Variants in FHIP1A observed in about 807,000 individuals in gnomAD.
FHIP1A encodes the protein FHF complex subunit HOOK interacting protein 1A, also known as FHF complex subunit HOOK-interacting protein 1A.
A neutral mutation model predicts 88.6 loss-of-function variants in FHIP1A; 61 were observed. The ratio of observed to expected loss-of-function variants is 0.69; its 90% CI spans 0.56 to 0.85. The LOEUF is 0.85. FHIP1A is among the 40% of genes least tolerant of loss of function. The probability of loss-of-function intolerance (pLI) is 0.00; values close to 1 mark genes in which losing one functional copy is unlikely to be tolerated. For synonymous variants in FHIP1A, 478 were observed against 496.0 expected (o/e 0.96, Z 0.48); for missense variants, 1,154 against 1,273.5 (o/e 0.91, Z 1.43).
chr4:151,605,076 T>G (rs1023766365), intron 7 of FHIP1A, among the ~76,000 whole-genome samples: 12 of 152,062 alleles, frequency 7.9e-5, no homozygotes, highest in African/African-American at 2.4e-4. Flanking sequence ...CCGTAGAGAG[T>G]TGGCAGTTGC....
chr4:151,435,562 A>C (rs1475524331), intron 1 of FHIP1A, among the ~76,000 whole-genome samples: 1 of 152,148 alleles, frequency 6.6e-6, no homozygotes, highest in Non-Finnish European at 1.5e-5. Context: ...AGGCGGCTGG[A>C]TCACCTGAGG....
chr4:151,542,236 G>A (rs1485495122), intron 3 of FHIP1A, among the ~76,000 whole-genome samples: 1 of 152,094 alleles, frequency 6.6e-6, no homozygotes, highest in Non-Finnish European at 1.5e-5. Flanking sequence ...GCTGCTCTTG[G>A]TTAGGTTTTT....
intron 3 of FHIP1A, among the ~76,000 whole-genome samples, chr4:151,517,476 AT>A (rs924929508): frequency 1.3e-5 from 2 of 152,154 alleles, no homozygotes; most frequent in African/African-American, 4.8e-5. Context: ...ATTTAAAAAA[AT>A]ATATATTCAT....
chr4:151,668,197 T>C lies in FHIP1A; in HGVS notation c.*5443T>C, dbSNP rs1578884936. 6.6e-6 allele frequency among the ~76,000 whole-genome samples: 1 copy of C among 152,214 alleles called. No individual in the cohort carries two copies. Among genetic ancestry groups the C allele is most frequent in the Admixed American group, 6.5e-5 (1 of 15,278 alleles). On this transcript the variant is annotated 3_prime_UTR_variant, in exon 14 of 14. Coordinates refer to ENST00000435205, the MANE Select transcript of FHIP1A (RefSeq NM_001109977.3). Reference sequence around the variant, plus strand: ...TTGTCTAAAACCTGCTGAAGAGGCATGGCAGCCACTTCCATGCTGCTTTTG... The same window carrying C: ...TTGTCTAAAACCTGCTGAAGAGGCACGGCAGCCACTTCCATGCTGCTTTTG...
At chr4:151,473,366 C>T (rs1453931906) in intron 2 of FHIP1A, among the ~76,000 whole-genome samples, 1 of 151,778 alleles carries the variant, frequency 6.6e-6, no homozygotes, top group Non-Finnish European at 1.5e-5. Flanking sequence ...GTTAATGCTC[C>T]TTCATTTCCC....
At chr4:151,518,253 C>T (rs1443438697) in intron 3 of FHIP1A, among the ~76,000 whole-genome samples, 1 of 152,104 alleles carries the variant, frequency 6.6e-6, no homozygotes, top group Non-Finnish European at 1.5e-5. Flanking sequence ...GTTACAGTTG[C>T]CTGCAATATT....
intron 3 of FHIP1A, among the ~76,000 whole-genome samples, chr4:151,545,369 CT>C (rs569126288): frequency 3.2e-3 from 262 of 81,668 alleles, no homozygotes; most frequent in African/African-American, 8.3e-3. Flanking sequence ...CCTTATCCTT[CT>C]TTTTTTTTTT....
At chr4:151,532,132 C>T (rs528542976) in intron 3 of FHIP1A, among the ~76,000 whole-genome samples, 10 of 152,014 alleles carry the variant, frequency 6.6e-5, no homozygotes, top group South Asian at 4.2e-4. Context: ...TGGTCTATAT[C>T]GTTTTTTTGG....
At chr4:151,510,686 G>A (rs1435068442) in intron 3 of FHIP1A, among the ~76,000 whole-genome samples, 1 of 152,132 alleles carries the variant, frequency 6.6e-6, no homozygotes, top group Non-Finnish European at 1.5e-5. Flanking sequence ...GTGGGTTTTA[G>A]TGACTTAATG....
Position 151,669,158 on chromosome 4 carries a change from C to T in FHIP1A, c.*6404C>T, listed in dbSNP as rs554468502. ...TAAACATATCTTTAGAATATCTCAT[C>T]GGGTTTCAGTCAGAGCCATGCTTTG... On this transcript the variant is annotated 3_prime_UTR_variant, in exon 14 of 14. Transcript: ENST00000435205. 7.9e-5 allele frequency among the ~76,000 whole-genome samples: 12 copies of T among 152,282 alleles called. No homozygotes were observed. In the East Asian group the frequency reaches 2.3e-3, roughly 29 times the overall value.
chr4:151,492,680 G>A (rs1038994463), intron 3 of FHIP1A, among the ~76,000 whole-genome samples: 6 of 151,858 alleles, frequency 4.0e-5, no homozygotes, highest in African/African-American at 1.5e-4. Context: ...ATTCCAACAG[G>A]AACCCTTAAC....
At chr4:151,527,153 C>G (rs1213965445) in intron 3 of FHIP1A, among the ~76,000 whole-genome samples, 1 of 152,140 alleles carries the variant, frequency 6.6e-6, no homozygotes, top group Non-Finnish European at 1.5e-5. Context: ...ATCTCGGCAC[C>G]CTGGGAGGCC....
chr4:151,524,954 G>A (rs1026904840), intron 3 of FHIP1A, among the ~76,000 whole-genome samples: 1 of 152,162 alleles, frequency 6.6e-6, no homozygotes, highest in Non-Finnish European at 1.5e-5. Context: ...CTCAAATGGT[G>A]CGTCAGCTCC....
intron 2 of FHIP1A, among the ~76,000 whole-genome samples, chr4:151,467,778 A>G (rs1469042627): frequency 2.0e-5 from 3 of 152,074 alleles, no homozygotes; most frequent in Non-Finnish European, 2.9e-5. Flanking sequence ...GTGTTGAACA[A>G]TGAGAACACA....
At position 151,665,883 on chromosome 4, in the gene FHIP1A, C is replaced by T. The variant is rs552996838; in HGVS notation, c.*3129C>T. Among the ~76,000 whole-genome samples the T allele has an allele frequency of 6.6e-6, 1 of 152,314 alleles. No homozygotes were observed. Among genetic ancestry groups the T allele is most frequent in the South Asian group, 2.1e-4 (1 of 4,824 alleles). On this transcript the variant is annotated 3_prime_UTR_variant, in exon 14 of 14. Coordinates refer to ENST00000435205, the MANE Select transcript of FHIP1A (RefSeq NM_001109977.3). ...TTCTCTATGTGACAGGCTCCTACAC[C>T]AGTCGCTGTGCTCCTTGCTGGAAGA...
chr4:151,595,366 T>C (rs912038349), intron 7 of FHIP1A, among the ~76,000 whole-genome samples: 2 of 152,238 alleles, frequency 1.3e-5, no homozygotes, highest in African/African-American at 2.4e-5. Flanking sequence ...TGAGTTCTAA[T>C]TTGATTGCAC....
intron 7 of FHIP1A, among the ~76,000 whole-genome samples, chr4:151,622,870 C>G (rs1735799099): frequency 6.6e-6 from 1 of 151,994 alleles, no homozygotes; most frequent in African/African-American, 2.4e-5. Context: ...TTTGGGTATT[C>G]AATAGTTAAA....
intron 10 of FHIP1A, 21 bp from the exon 11 acceptor site, chr4:151,649,438 C>G: frequency 2.1e-5 from 32 of 1,521,670 alleles, no homozygotes; most frequent in Non-Finnish European, 2.7e-5. Flanking sequence ...TTGTTCTAAC[C>G]AGCCTCTGCC....
At position 151,456,992 on chromosome 4, in the gene FHIP1A, T is replaced by A. The variant is rs1227757489; in HGVS notation, c.-248+2184T>A. The stretch of plus-strand genomic sequence containing the variant: ...GAGTATTTGAAAGCTAATGACATTA[T>A]TTTAAAGAGGATCTTTTCAATGGAT... On this transcript the variant is annotated intron_variant, in intron 2 of 13. Coordinates refer to ENST00000435205, the MANE Select transcript of FHIP1A (RefSeq NM_001109977.3). Among the ~76,000 whole-genome samples the A allele has an allele frequency of 2.0e-5, 3 of 152,168 alleles. No homozygotes were observed. In the East Asian group the frequency reaches 5.8e-4, roughly 29 times the overall value.
Sources: gnomAD v4.1 joint callset for allele counts (sites outside exome capture counted in the v4.1 genomes callset) on GRCh38, gnomAD v4.1.1 for gene constraint, MANE v1.5 for transcripts, NCBI Gene and HGNC (gene_info 2026-07-23, HGNC 2026-07-21) for gene names.